The following TBC1D30 variants were observed in gnomAD, a reference collection of about 807,000 sequenced individuals.
TBC1D30 encodes the protein TBC1 domain family member 30, also known as TBC1 domain family, member 30.
In TBC1D30, 31 loss-of-function variants were observed where a neutral mutation model predicts 63.2. The observed-to-expected ratio is 0.49, with a 90% CI of 0.37 to 0.66. The LOEUF (loss-of-function observed/expected upper bound fraction) is 0.66, where lower values mean the gene tolerates loss of function less well. Ranked by LOEUF, TBC1D30 falls within the 30% of genes least tolerant of loss-of-function variation. The pLI is 0.00. For missense variants in TBC1D30, 810 were observed against 953.6 expected (o/e 0.85, Z 1.98); for synonymous variants, 307 against 361.5 (o/e 0.85, Z 1.71).
At chr12:64,802,428 C>T (rs1444366254) in intron 2 of TBC1D30, among the ~76,000 whole-genome samples, 1 of 152,156 alleles carries the variant, frequency 6.6e-6, no homozygotes, top group Admixed American at 6.6e-5. Context: ...TTCCCTGATC[C>T]AGTACCTGGG....
Position 64,878,287 on chromosome 12 carries a change from G to T in TBC1D30, c.*2499G>T, listed in dbSNP as rs944869737. 53 of 340,836 alleles carry T rather than the reference G, an allele frequency of 1.6e-4. No homozygotes were observed. In the Admixed American group the frequency reaches 2.0e-3, roughly 13 times the overall value. 21.1% of individuals were successfully genotyped at this position (340,836 alleles called of 1,614,324 possible). On this transcript the variant is annotated 3_prime_UTR_variant, in exon 12 of 12. Transcript: ENST00000539867. ...CCTACTTTAGAAAATAAAGAAACCT[G>T]CAGTAGCCTCTACCACACAGCATGT... is the stretch of plus-strand genomic sequence containing the variant.
chr12:64,768,629 T>TG, intron 1 of TBC1D30: 3 of 152,206 alleles, frequency 2.0e-5, no homozygotes, highest in Admixed American at 2.0e-4. Context: ...TGAGCCACCC[T>TG]GCCTGGCGTG....
chr12:64,819,898 A>G (rs1444642809), upstream of TBC1D30, among the ~76,000 whole-genome samples: 2 of 152,070 alleles, frequency 1.3e-5, no homozygotes, highest in African/African-American at 4.8e-5. Context: ...CAGGTGCAAA[A>G]TGTCCCCATC....
chr12:64,822,935 A>G (rs1873975939), upstream of TBC1D30, among the ~76,000 whole-genome samples: 1 of 151,936 alleles, frequency 6.6e-6, no homozygotes, highest in African/African-American at 2.4e-5. Context: ...AGTTCCTTTG[A>G]GTGGGGAATG....
intron 2 of TBC1D30, among the ~76,000 whole-genome samples, chr12:64,811,315 G>A (rs1592576094): frequency 1.3e-5 from 2 of 152,322 alleles, no homozygotes; most frequent in African/African-American, 4.8e-5. Flanking sequence ...CTCCCTGCAT[G>A]GGAGGGAACA....
Position 64,878,566 on chromosome 12 carries a change from G to T in TBC1D30, c.*2778G>T. 2.2e-6 allele frequency: 1 copy of T among 456,580 alleles called. No individual in the cohort carries two copies. Among genetic ancestry groups the T allele is most frequent in the Admixed American group, 2.3e-5 (1 of 42,558 alleles). 28.3% of individuals were successfully genotyped at this position (456,580 alleles called of 1,614,324 possible). A position where few individuals can be genotyped will look rare whatever the true frequency, so the allele number is the denominator to read the frequency against. On this transcript the variant is annotated 3_prime_UTR_variant, in exon 12 of 12. Transcript: ENST00000539867. ...TTTGGGACATTGTATTCCTTTGTTT[G>T]TCTCTTGTTGTTCTGAAGGATTGTA...
rs117619331 is a variant in TBC1D30, at chr12:64,828,884, C to T, written c.282+375C>T. On this transcript the variant is annotated intron_variant, in intron 3 of 11. Coordinates refer to ENST00000539867, the MANE Select transcript of TBC1D30 (RefSeq NM_015279.2). ...TAGCAAGGTGACATTCGAGTAGGCCCCTGAAGGAGGTGAGAAGCCAGCCAT... is the reference window on the plus strand; with the variant it reads ...TAGCAAGGTGACATTCGAGTAGGCCTCTGAAGGAGGTGAGAAGCCAGCCAT... Among the ~76,000 whole-genome samples the T allele has an allele frequency of 6.4e-3, 974 of 152,044 alleles. 9 individuals carry two copies. Among genetic ancestry groups the T allele is most frequent in the Non-Finnish European group, 8.7e-3 (588 of 67,972 alleles).
intron 2 of TBC1D30, among the ~76,000 whole-genome samples, chr12:64,803,448 A>T (rs1334454299): frequency 6.6e-6 from 1 of 152,098 alleles, no homozygotes; most frequent in Non-Finnish European, 1.5e-5. Flanking sequence ...TTCTGTAGAT[A>T]GCCTGTTCAC....
chr12:64,869,208 C>T (rs1261918671), intron 10 of TBC1D30, among the ~76,000 whole-genome samples: 1 of 152,186 alleles, frequency 6.6e-6, no homozygotes, highest in Non-Finnish European at 1.5e-5. Flanking sequence ...TCTGTGTTCT[C>T]TTTGCCATCT....
At chr12:64,807,956 T>C (rs899120176) in intron 2 of TBC1D30, among the ~76,000 whole-genome samples, 1 of 132,428 alleles carries the variant, frequency 7.6e-6, no homozygotes, top group Non-Finnish European at 1.6e-5. Context: ...GGTCTTCCTA[T>C]GTCTTCCAGG....
intron 1 of TBC1D30, among the ~76,000 whole-genome samples, chr12:64,765,832 C>CAAAAAAA (rs142093900): frequency 8.5e-6 from 1 of 117,002 alleles, no homozygotes; most frequent in Non-Finnish European, 1.8e-5. Context: ...CCCACCTCTA[C>CAAAAAAA]AAAAAAAAAA....
chr12:64,820,989 G>T (rs74099686), upstream of TBC1D30, among the ~76,000 whole-genome samples: 5,596 of 152,224 alleles, frequency 0.037, 367 homozygotes, highest in African/African-American at 0.13. Flanking sequence ...GATTTTCCTC[G>T]TAATAGATCT....
At chr12:64,855,046 T>A (rs916771743) in intron 8 of TBC1D30, among the ~76,000 whole-genome samples, 1 of 152,238 alleles carries the variant, frequency 6.6e-6, no homozygotes, top group Admixed American at 6.5e-5. Flanking sequence ...TCTTCCTTTA[T>A]GCTTAAAGAT....
rs1879117928 is a variant in TBC1D30 at position 64,876,798 on chromosome 12, T to C, written c.*1010T>C. The C allele has an allele frequency of 2.2e-6, 1 of 456,010 alleles. No individual in the cohort carries two copies. Among genetic ancestry groups the C allele is most frequent in the African/African-American group, 2.0e-5 (1 of 50,078 alleles). 28.2% of individuals were successfully genotyped at this position (456,010 alleles called of 1,614,324 possible). ...TGCCTTTCTCTGGAGAAGGCCCCAG[T>C]GCTTTCTAGCTCCCTCTCACTCCTG... On this transcript the variant is annotated 3_prime_UTR_variant, in exon 12 of 12. Transcript: ENST00000539867.
chr12:64,785,147 C>CTTTTTT (rs3033154), intron 1 of TBC1D30, among the ~76,000 whole-genome samples: 6 of 134,842 alleles, frequency 4.4e-5, no homozygotes, highest in Non-Finnish European at 4.7e-5. Context: ...ACTTTAAAGA[C>CTTTTTT]TTTTTTTTTT....
intron 1 of TBC1D30, among the ~76,000 whole-genome samples, chr12:64,763,674 TCTCGGCTCACTACAAC>T (rs1212893732): frequency 4.6e-5 from 7 of 151,660 alleles, no homozygotes; most frequent in Non-Finnish European, 1.0e-4. Flanking sequence ...AGTGGCATGA[TCTCGGCTCACTACAAC>T]CTCCACCTCT....
chr12:64,775,318 T>C (rs987969988), intron 1 of TBC1D30, among the ~76,000 whole-genome samples: 2 of 152,004 alleles, frequency 1.3e-5, no homozygotes, highest in Non-Finnish European at 2.9e-5. Context: ...AATGCCCAAT[T>C]AAAAGACACA....
chr12:64,832,214 G>A lies in TBC1D30; in HGVS notation c.504G>A (p.Trp168Ter). ...GGGTGCTGCTGGCCTATGCCCGATG[G>A]AACAAAACTGTTGGGTACTGCCAAG... is the stretch of plus-strand genomic sequence containing the variant. ...LKRVLLAYARWNKTVGYCQGF... is the reference protein window; with the variant it reads ...LKRVLLAYAR Residue 168 changes from tryptophan (W) to a stop codon, truncating the protein, a stop_gained, in exon 5 of 12, where the codon TGG becomes TGA. Transcript: ENST00000539867. LOFTEE classifies it high-confidence loss of function. 6.5e-7 allele frequency: 1 copy of A among 1,536,150 alleles called. No individual in the cohort carries two copies. The highest frequency in any genetic ancestry group is 8.7e-7 in the Non-Finnish European group (1 of 1,146,926).
intron 2 of TBC1D30, among the ~76,000 whole-genome samples, chr12:64,789,184 C>CTTT (rs1282443160): frequency 2.4e-5 from 3 of 123,300 alleles, no homozygotes; most frequent in African/African-American, 6.9e-5. Context: ...TCTTCTTCTT[C>CTTT]TTTTTTTTTT....
Sources: gnomAD v4.1 joint callset for allele counts (sites outside exome capture counted in the v4.1 genomes callset) on GRCh38, gnomAD v4.1.1 for gene constraint, MANE v1.5 for transcripts, NCBI Gene and HGNC (gene_info 2026-07-23, HGNC 2026-07-21) for gene names.